NUP188: variants seen among roughly 807,000 people sequenced by gnomAD.
NUP188 encodes nucleoporin NUP188.
A neutral mutation model predicts 223.0 loss-of-function variants in NUP188; 97 were observed. The observed-to-expected ratio is 0.43, with a 90% CI of 0.37 to 0.51. The LOEUF is 0.51. Ranked by LOEUF, NUP188 falls within the 20% of genes least tolerant of loss-of-function variation. The pLI is 0.00. For synonymous variants in NUP188, 869 were observed against 828.0 expected, an observed-to-expected ratio of 1.05 and a Z score of -0.85; for missense variants, 1,947 against 2,175.6, an observed-to-expected ratio of 0.89 and a Z score of 2.09.
chr9:128,997,361 C>T (rs751533251), intron 30 of NUP188, among the ~76,000 whole-genome samples: 13 of 152,134 alleles, frequency 8.5e-5, no homozygotes, highest in Admixed American at 2.0e-4. Context: ...TTGCGTTTCC[C>T]GGGCACTGGG....
chr9:128,991,329 G>A (rs1196402172), intron 25 of NUP188, among the ~76,000 whole-genome samples: 1 of 151,968 alleles, frequency 6.6e-6, no homozygotes, highest in Non-Finnish European at 1.5e-5. Context: ...CATGAGGTCA[G>A]GGGTTCAAGA....
At chr9:128,981,762 A>G (rs1401919908) in intron 15 of NUP188, among the ~76,000 whole-genome samples, 1 of 151,998 alleles carries the variant, frequency 6.6e-6, no homozygotes, top group Non-Finnish European at 1.5e-5. Context: ...CACTCAAGTG[A>G]TTTTCAGACA....
intron 8 of NUP188, among the ~76,000 whole-genome samples, chr9:128,959,345 T>C (rs952694773): frequency 2.6e-5 from 4 of 151,960 alleles, no homozygotes; most frequent in Non-Finnish European, 5.9e-5. Context: ...TTTCACCATG[T>C]TGGCCAGGCT....
At chr9:128,977,944 T>C (rs1048944375) in intron 12 of NUP188, among the ~76,000 whole-genome samples, 2 of 152,216 alleles carry the variant, frequency 1.3e-5, no homozygotes, top group Non-Finnish European at 2.9e-5. Flanking sequence ...TCCTTACTTA[T>C]AATCCTACTT....
intron 25 of NUP188, among the ~76,000 whole-genome samples, chr9:128,992,803 A>G (rs1053581820): frequency 1.3e-5 from 2 of 152,248 alleles, no homozygotes; most frequent in African/African-American, 4.8e-5. Context: ...ATAAATGAAC[A>G]TGATATTTTT....
intron 15 of NUP188, among the ~76,000 whole-genome samples, chr9:128,982,143 A>G (rs1238555484): frequency 1.3e-5 from 2 of 151,870 alleles, no homozygotes; most frequent in Non-Finnish European, 2.9e-5. Context: ...AAAAAGCTTT[A>G]GGAATGTTAG....
chr9:128,973,346 T>C lies in NUP188; in HGVS notation c.1203+97T>C, dbSNP rs867173949. On this transcript the variant is annotated intron_variant, in intron 12 of 43. Transcript: ENST00000372577. ...ATTGGATCTGATATTATTTACCTCATGTGTTAATTTGTTTACTGGCACTCA... is the reference window on the plus strand; with the variant it reads ...ATTGGATCTGATATTATTTACCTCACGTGTTAATTTGTTTACTGGCACTCA... 7.1e-5 allele frequency: 54 copies of C among 756,494 alleles called. 1 individual carries two copies. In the South Asian group the frequency reaches 8.6e-4, roughly 12 times the overall value. The allele number at this position is 756,494 out of a possible 1,614,324, so 46.9% of individuals were successfully genotyped here.
chr9:129,000,526 G>C (rs1235625429), intron 34 of NUP188, among the ~76,000 whole-genome samples: 1 of 150,966 alleles, frequency 6.6e-6, no homozygotes, highest in African/African-American at 2.4e-5. Flanking sequence ...CACTGTGTTA[G>C]CCAGGATGGC....
At chr9:129,001,012 G>A (rs995503527) in intron 34 of NUP188, among the ~76,000 whole-genome samples, 1 of 152,144 alleles carries the variant, frequency 6.6e-6, no homozygotes, top group Admixed American at 6.5e-5. Context: ...ACTCCAGCCT[G>A]GGGGACAGAG....
chr9:128,982,949 C>A lies in NUP188; in HGVS notation c.1717C>A (p.His573Asn), dbSNP rs545282604. The change falls in exon 17 of 44, where the codon CAT becomes AAT. Residue 573 changes from histidine to asparagine, a missense_variant. His to Asn is a moderately conservative substitution (Grantham distance 68, BLOSUM62 1). Transcript: ENST00000372577. ...QRVKPIIDLV[H>N]KVISTDLSIA... ...AGTCAAACCCATCATTGATCTCGTCCATAAGGTCATCAGTACAGACCTGTC... is the reference window on the plus strand; with the variant it reads ...AGTCAAACCCATCATTGATCTCGTCAATAAGGTCATCAGTACAGACCTGTC... 6.2e-7 allele frequency: 1 copy of A among 1,614,142 alleles called. No individual in the cohort carries two copies. Among genetic ancestry groups the A allele is most frequent in the African/African-American group, 1.3e-5 (1 of 75,026 alleles).
chr9:128,998,446 C>G, intron 31 of NUP188, 92 bp from the exon 32 acceptor site: 6 of 1,196,250 alleles, frequency 5.0e-6, no homozygotes, highest in Non-Finnish European at 7.5e-6. Flanking sequence ...GAGCTCACTG[C>G]TGGGGAAGAA....
intron 5 of NUP188, among the ~76,000 whole-genome samples, chr9:128,957,774 A>G (rs1841891896): frequency 6.6e-6 from 1 of 152,154 alleles, no homozygotes; most frequent in Admixed American, 6.6e-5. Flanking sequence ...AGGATTTGGT[A>G]GAATTTCTAG....
At chr9:128,998,671 C>G in intron 32 of NUP188, 48 bp downstream of exon 32, 1 of 1,452,662 alleles carries the variant, frequency 6.9e-7, no homozygotes, top group Non-Finnish European at 9.7e-7. Context: ...GCCTTCTTGT[C>G]AGTGCCTGCT....
chr9:128,949,754 G>C (rs542055244), intron 2 of NUP188, among the ~76,000 whole-genome samples: 1 of 151,468 alleles, frequency 6.6e-6, no homozygotes, highest in Non-Finnish European at 1.5e-5. Context: ...ACAGCCTCCC[G>C]AGTAGCTGAG....
At chr9:128,956,855 C>T in intron 4 of NUP188, 97 bp from the exon 5 acceptor site, 1 of 769,886 alleles carries the variant, frequency 1.3e-6, no homozygotes, top group Non-Finnish European at 2.1e-6. Context: ...TTTGTTTATT[C>T]AAGTCCTGTG....
Position 128,949,243 on chromosome 9 carries a change from G to T in NUP188, c.87G>T (p.Leu29=). ...TTGGAAGGTCAGCTCTGAGAGAGCT[G>T]GTAAGTGGTGGTGTTCTTGAGTGGG... is the stretch of plus-strand genomic sequence containing the variant. ...ILLGRSALRE[L]SQIEAELNKH... The change falls in exon 2 of 44, where the codon CTG becomes CTT. Residue 29 remains leucine (L), a splice_region_variant and synonymous_variant. Coordinates refer to ENST00000372577, the MANE Select transcript of NUP188 (RefSeq NM_015354.3). The T allele has an allele frequency of 6.2e-7, 1 of 1,609,844 alleles. No individual in the cohort carries two copies. The highest frequency in any genetic ancestry group is 8.5e-7 in the Non-Finnish European group (1 of 1,176,362).
rs76378657 is a variant in NUP188, at chr9:128,958,196, A to G, written c.372+142A>G. 3,961 of 630,626 alleles carry G rather than the reference A, an allele frequency of 6.3e-3. 126 individuals carry two copies. In the East Asian group the frequency reaches 0.064, roughly 10 times the overall value. 39.1% of individuals were successfully genotyped at this position (630,626 alleles called of 1,614,324 possible). ...TATGAAGAAGCATATTAACTCATTT[A>G]TGAAAAGATGCTTTTATCCACTGGA... On this transcript the variant is annotated intron_variant, in intron 6 of 43. Transcript: ENST00000372577.
chr9:128,955,051 A>G (rs1450914815), intron 3 of NUP188, among the ~76,000 whole-genome samples: 2 of 151,272 alleles, frequency 1.3e-5, no homozygotes, highest in East Asian at 4.0e-4. Flanking sequence ...GGGTTTCACC[A>G]TATTGGTCAG....
In NUP188 at chr9:128,978,541, C is replaced by T. The variant is rs1164293822; in HGVS notation, c.1204-721C>T. ...TCGCGCCACTGCACTCCAGCCTGGGCGACAGAGTGAGACTCAAAAAAAAAA... is the reference window on the plus strand; with the variant it reads ...TCGCGCCACTGCACTCCAGCCTGGGTGACAGAGTGAGACTCAAAAAAAAAA... On this transcript the variant is annotated intron_variant, in intron 12 of 43. Transcript: ENST00000372577. Among the ~76,000 whole-genome samples the T allele has an allele frequency of 1.5e-4, 17 of 113,190 alleles. No homozygotes were observed. The Admixed American group carries it at 1.7e-3, about 11-fold the overall frequency. The allele number at this position is 113,190 out of a possible 152,430, so 74.3% of individuals were successfully genotyped here. A position where few individuals can be genotyped will look rare whatever the true frequency, so the allele number is the denominator to read the frequency against.
Sources: allele counts gnomAD v4.1 joint callset (sites outside exome capture counted in the v4.1 genomes callset), GRCh38; gene constraint gnomAD v4.1.1; transcripts MANE v1.5; gene names NCBI Gene and HGNC (gene_info 2026-07-23, HGNC 2026-07-21).